The following TRAF3IP2 variants were observed in gnomAD, a reference collection of about 807,000 sequenced individuals.
TRAF3IP2 encodes the protein E3 ubiquitin ligase TRAF3IP2.
In TRAF3IP2, 35 loss-of-function variants were observed where a neutral mutation model predicts 57.9. The observed-to-expected ratio is 0.60, with a 90% CI of 0.46 to 0.80. The LOEUF is 0.80. Among genes scored for constraint, TRAF3IP2 ranks in the 30% least tolerant of loss-of-function variants. The probability of loss-of-function intolerance (pLI) is 0.00; values close to 1 mark genes in which losing one functional copy is unlikely to be tolerated. For missense variants in TRAF3IP2, 556 were observed against 706.4 expected, an observed-to-expected ratio of 0.79 and a Z score of 2.41; for synonymous variants, 251 against 268.9, an observed-to-expected ratio of 0.93 and a Z score of 0.65.
At chr6:111,583,928 G>C (rs1229855399) in intron 2 of TRAF3IP2, among the ~76,000 whole-genome samples, 1 of 152,154 alleles carries the variant, frequency 6.6e-6, no homozygotes, top group East Asian at 1.9e-4. Flanking sequence ...GAAACACAAG[G>C]TAAAAGAGGA....
At chr6:111,577,790 C>T (rs527847078) in intron 3 of TRAF3IP2, among the ~76,000 whole-genome samples, 1 of 152,290 alleles carries the variant, frequency 6.6e-6, no homozygotes, top group East Asian at 1.9e-4. Context: ...CGGCTCACTG[C>T]AGCCATGACC....
chr6:111,601,101 C>A, intron 1 of TRAF3IP2: 1 of 665,330 alleles, frequency 1.5e-6, no homozygotes, highest in South Asian at 1.7e-5. Flanking sequence ...GTTGGGAGCA[C>A]TGACTGGTTC....
At position 111,582,386 on chromosome 6, in the gene TRAF3IP2, A is replaced by AG. The variant is rs3836975; in HGVS notation, c.830-1998dup. 1.2e-3 allele frequency among the ~76,000 whole-genome samples: 176 copies of AG among 152,124 alleles called. 8 individuals carry two copies. In the East Asian group the frequency reaches 0.033, roughly 28 times the overall value. ...CATGACAAGTAGTAGGGGTTTAAAG[A>AG]GGGGGAGGAGGAGAAACAGATCTGC... On this transcript the variant is annotated intron_variant, in intron 2 of 8. Transcript: ENST00000368761.
At chr6:111,596,696 C>T (rs1025048168) in intron 1 of TRAF3IP2, among the ~76,000 whole-genome samples, 17 of 152,168 alleles carry the variant, frequency 1.1e-4, no homozygotes, top group Admixed American at 7.9e-4. Context: ...TCAGGTGATC[C>T]GCCCGCTTCG....
chr6:111,597,442 C>A (rs984297269), intron 1 of TRAF3IP2, among the ~76,000 whole-genome samples: 1 of 152,170 alleles, frequency 6.6e-6, no homozygotes, highest in Non-Finnish European at 1.5e-5. Context: ...AGCCCCAGAC[C>A]CCTGTCTGAA....
At chr6:111,566,599 T>C in intron 6 of TRAF3IP2, 39 bp from the exon 7 acceptor site, 1 of 1,568,044 alleles carries the variant, frequency 6.4e-7, no homozygotes, top group Non-Finnish European at 8.8e-7. Context: ...TATGGAAGTG[T>C]ACCAGCAGGA....
At chr6:111,580,690 T>G (rs1398941202) in intron 2 of TRAF3IP2, among the ~76,000 whole-genome samples, 1 of 152,242 alleles carries the variant, frequency 6.6e-6, no homozygotes, top group African/African-American at 2.4e-5. Context: ...CGTAAGATAC[T>G]TAGGAAAATC....
intron 4 of TRAF3IP2, among the ~76,000 whole-genome samples, chr6:111,575,107 C>A (rs1314199304): frequency 6.6e-6 from 1 of 151,740 alleles, no homozygotes; most frequent in South Asian, 2.1e-4. Context: ...ACCTGTAACC[C>A]CAGCTATTTG....
At chr6:111,603,764 C>T (rs892023768) in intron 1 of TRAF3IP2, among the ~76,000 whole-genome samples, 3 of 152,172 alleles carry the variant, frequency 2.0e-5, no homozygotes, top group African/African-American at 7.2e-5. Flanking sequence ...AATGAGTAAC[C>T]CTGAGTTAAG....
At chr6:111,569,260 G>A (rs757387504) in intron 5 of TRAF3IP2, among the ~76,000 whole-genome samples, 19 of 152,126 alleles carry the variant, frequency 1.2e-4, no homozygotes, top group Non-Finnish European at 2.5e-4. Context: ...GAGAAGAAAC[G>A]GACAGCTTGG....
chr6:111,594,109 C>T (rs1341875628), intron 1 of TRAF3IP2, among the ~76,000 whole-genome samples: 3 of 128,976 alleles, frequency 2.3e-5, no homozygotes, highest in East Asian at 2.2e-4. Context: ...CCAGCCTCAG[C>T]GACAAGAGCG....
Position 111,591,550 on chromosome 6 carries a change from T to C in TRAF3IP2, c.537A>G (p.Gln179=), listed in dbSNP as rs752391162. The C allele has an allele frequency of 9.3e-6, 15 of 1,614,206 alleles. No homozygotes were observed. The highest frequency in any genetic ancestry group is 8.8e-5 in the South Asian group (8 of 91,084). Residue 179 remains glutamine, a synonymous_variant, in exon 2 of 9, where the codon CAA becomes CAG. Transcript: ENST00000368761. This position sits in a 1 kb window ranked among gnomAD's most constrained non-coding sequence, Gnocchi z 4.9. ...CTCGGTTCCTGTGAGGCTGGGGCCG[T>C]TGCACCATCTCCTGGCTACCGCCCA... ...DSLGGSQEMV[Q]RPQPHRNRAG...
intron 1 of TRAF3IP2, among the ~76,000 whole-genome samples, chr6:111,604,348 C>G (rs1796961191): frequency 6.6e-6 from 1 of 152,180 alleles, no homozygotes; most frequent in South Asian, 2.1e-4. Context: ...TTTCCCTTCC[C>G]CTCCCATTAA....
intron 8 of TRAF3IP2, among the ~76,000 whole-genome samples, chr6:111,561,461 G>A (rs1415590000): frequency 6.6e-6 from 1 of 152,030 alleles, no homozygotes; most frequent in Non-Finnish European, 1.5e-5. Context: ...CAAAAGAGGT[G>A]TCGGGGAGGC....
intron 3 of TRAF3IP2, chr6:111,576,280 TA>T (rs1391661963): frequency 6.5e-6 from 1 of 153,978 alleles, no homozygotes; most frequent in Admixed American, 6.5e-5. Context: ...ACTGTTGACA[TA>T]TAAATGGAAA....
intron 5 of TRAF3IP2, among the ~76,000 whole-genome samples, chr6:111,568,330 A>T (rs1388989185): frequency 6.6e-6 from 1 of 152,156 alleles, no homozygotes; most frequent in Non-Finnish European, 1.5e-5. Context: ...ATCAGCATTC[A>T]AGTTTTTGAA....
At chr6:111,570,541 A>T (rs1220983381) in intron 5 of TRAF3IP2, among the ~76,000 whole-genome samples, 3 of 152,170 alleles carry the variant, frequency 2.0e-5, no homozygotes, top group African/African-American at 7.2e-5. Flanking sequence ...GCTGTCCAGG[A>T]CCGGGCTCTG....
intron 3 of TRAF3IP2, among the ~76,000 whole-genome samples, chr6:111,579,316 C>CAAAAA (rs529040872): frequency 4.3e-5 from 3 of 69,818 alleles, no homozygotes; most frequent in Middle Eastern, 0.01. Flanking sequence ...GGCTCCATCT[C>CAAAAA]AAAAAAAAAA....
chr6:111,558,409 T>A lies in TRAF3IP2; in HGVS notation c.*996A>T, dbSNP rs1413187270. On this transcript the variant is annotated 3_prime_UTR_variant, in exon 9 of 9. Transcript: ENST00000368761. ...CATGGCTGTATGCTATATAAAGTTG[T>A]TTTGTTAAAAATGGGTGTTTTTATT... 6.6e-6 allele frequency: 1 copy of A among 152,216 alleles called. No individual in the cohort carries two copies. Among genetic ancestry groups the A allele is most frequent in the Non-Finnish European group, 1.5e-5 (1 of 68,044 alleles). 9.4% of individuals were successfully genotyped at this position (152,216 alleles called of 1,614,324 possible).
Sources: allele counts gnomAD v4.1 joint callset (sites outside exome capture counted in the v4.1 genomes callset), GRCh38; gene constraint gnomAD v4.1.1; non-coding constraint Gnocchi (gnomAD v3.1); transcripts MANE v1.5; gene names NCBI Gene and HGNC (gene_info 2026-07-23, HGNC 2026-07-21).